Variants in DLG2 observed in about 807,000 individuals in gnomAD.
DLG2 encodes disks large homolog 2.
DLG2 carries 45 observed loss-of-function variants against 132.5 expected under a neutral mutation model. That is an observed-to-expected ratio of 0.34 (90% confidence interval 0.27 to 0.44). The LOEUF (loss-of-function observed/expected upper bound fraction) is 0.44. Ranked by LOEUF, DLG2 falls within the 20% of genes least tolerant of loss-of-function variation. The probability of loss-of-function intolerance (pLI) is 1.00; values close to 1 mark genes in which losing one functional copy is unlikely to be tolerated. For synonymous variants in DLG2, 424 were observed against 419.6 expected, an observed-to-expected ratio of 1.01 and a Z score of -0.13; for missense variants, 1,045 against 1,196.9, an observed-to-expected ratio of 0.87 and a Z score of 1.87.
At chr11:84,395,588 T>C (rs2098808183) in intron 7 of DLG2, among the ~76,000 whole-genome samples, 1 of 152,158 alleles carries the variant, frequency 6.6e-6, no homozygotes, top group Admixed American at 6.5e-5. Context: ...TTTCTAATTT[T>C]TGTATGTTTT....
intron 6 of DLG2, among the ~76,000 whole-genome samples, chr11:84,998,950 TC>T (rs1237702045): frequency 6.6e-6 from 1 of 151,348 alleles, no homozygotes; most frequent in Non-Finnish European, 1.5e-5. Flanking sequence ...TTCATTTTTG[TC>T]CCTTTTAACT....
chr11:83,753,538 G>T (rs1031980186), intron 18 of DLG2, among the ~76,000 whole-genome samples: 1 of 151,166 alleles, frequency 6.6e-6, no homozygotes, highest in African/African-American at 2.4e-5. Flanking sequence ...TTTATTTAGG[G>T]AGTTTCCAGG....
intron 11 of DLG2, among the ~76,000 whole-genome samples, chr11:83,986,780 T>C (rs544314484): frequency 7.1e-4 from 108 of 152,314 alleles, no homozygotes; most frequent in African/African-American, 2.4e-3. Flanking sequence ...TATCTCATTG[T>C]GGTTTTTGTT....
chr11:84,725,200 A>T (rs543021311), intron 6 of DLG2, among the ~76,000 whole-genome samples: 2 of 152,158 alleles, frequency 1.3e-5, no homozygotes, highest in Non-Finnish European at 2.9e-5. Flanking sequence ...CCCAGCTATC[A>T]CTAATAGCTA....
intron 6 of DLG2, among the ~76,000 whole-genome samples, chr11:84,558,334 T>A (rs1175971718): frequency 6.6e-6 from 1 of 152,168 alleles, no homozygotes; most frequent in African/African-American, 2.4e-5. Flanking sequence ...CTGGGTGAAC[T>A]TGACTATTCT....
chr11:83,618,299 T>C (rs1455202558), intron 19 of DLG2, among the ~76,000 whole-genome samples: 1 of 152,198 alleles, frequency 6.6e-6, no homozygotes, highest in Non-Finnish European at 1.5e-5. Flanking sequence ...TCACTAGATT[T>C]ATTTTGCTAA....
intron 6 of DLG2, among the ~76,000 whole-genome samples, chr11:84,716,571 G>T (rs570519516): frequency 5.3e-5 from 8 of 152,020 alleles, no homozygotes; most frequent in African/African-American, 1.9e-4. Context: ...TGAAGGTAAA[G>T]TTGATGCCTA....
In DLG2 at chr11:83,825,819, C is replaced by T. The variant is rs2052582925; in HGVS notation, c.1722+7795G>A. Among the ~76,000 whole-genome samples, 3 of 152,284 alleles carry T rather than the reference C, an allele frequency of 2.0e-5. No homozygotes were observed. The South Asian group carries it at 6.2e-4, about 32-fold the overall frequency. On this transcript the variant is annotated intron_variant, in intron 17 of 27. Coordinates refer to ENST00000376104, the MANE Select transcript of DLG2 (RefSeq NM_001142699.3). ...TCCTGAGTGACCCACAACTCTGGCT[C>T]CCTAGAAGTCCCCACTGCCCTGCTG... is the stretch of plus-strand genomic sequence containing the variant.
At chr11:84,647,492 GT>G (rs1192763154) in intron 6 of DLG2, among the ~76,000 whole-genome samples, 3 of 152,154 alleles carry the variant, frequency 2.0e-5, no homozygotes, top group Non-Finnish European at 4.4e-5. Context: ...CGGTAGAAAT[GT>G]TTTCAAAATT....
chr11:85,454,889 G>A (rs2092369755), intron 3 of DLG2, among the ~76,000 whole-genome samples: 1 of 151,964 alleles, frequency 6.6e-6, no homozygotes. Context: ...ATTGGTCTAT[G>A]TGTCTGTTTT....
chr11:85,468,051 G>A (rs1004048568), intron 3 of DLG2, among the ~76,000 whole-genome samples: 14 of 152,160 alleles, frequency 9.2e-5, no homozygotes, highest in Non-Finnish European at 7.3e-5. Context: ...GGGTGTATGT[G>A]TTGAGGAATT....
chr11:84,226,655 C>A (rs928927443), intron 8 of DLG2, among the ~76,000 whole-genome samples: 2 of 152,130 alleles, frequency 1.3e-5, no homozygotes, highest in Non-Finnish European at 2.9e-5. Context: ...TTTGTTTAAT[C>A]CTTTTAACTA....
At chr11:84,447,636 G>T in intron 7 of DLG2, among the ~76,000 whole-genome samples, 1 of 152,002 alleles carries the variant, frequency 6.6e-6, no homozygotes, top group East Asian at 1.9e-4. Flanking sequence ...CTTATGAGTA[G>T]TTTTTTCTTT....
At chr11:84,686,985 T>A (rs1453447348) in intron 6 of DLG2, 1 of 152,106 alleles carries the variant, frequency 6.6e-6, no homozygotes, top group Non-Finnish European at 1.5e-5. Flanking sequence ...GGAGTGGGCA[T>A]GTTTTCCTGC....
intron 22 of DLG2, among the ~76,000 whole-genome samples, chr11:83,483,517 T>TAAAC: frequency 1.3e-5 from 2 of 152,268 alleles, no homozygotes; most frequent in East Asian, 3.9e-4. Context: ...ACTCAAGGTT[T>TAAAC]AAACAAAAGA....
intron 17 of DLG2, among the ~76,000 whole-genome samples, chr11:83,807,483 C>T (rs893477079): frequency 2.6e-5 from 4 of 152,116 alleles, no homozygotes; most frequent in African/African-American, 9.7e-5. Context: ...GCTGCAAAGC[C>T]ACAATCCATT....
intron 11 of DLG2, among the ~76,000 whole-genome samples, chr11:84,046,423 G>T (rs1232606117): frequency 1.3e-5 from 2 of 151,396 alleles, no homozygotes; most frequent in Non-Finnish European, 3.0e-5. Flanking sequence ...GAACTATGAA[G>T]AATAAAATTT....
intron 6 of DLG2, among the ~76,000 whole-genome samples, chr11:84,685,831 G>A (rs1234349698): frequency 2.0e-5 from 3 of 151,806 alleles, no homozygotes; most frequent in Non-Finnish European, 2.9e-5. Flanking sequence ...TCAGCCTCCC[G>A]AGCAGCTGGG....
intron 6 of DLG2, among the ~76,000 whole-genome samples, chr11:85,067,440 G>A (rs1364162713): frequency 1.3e-5 from 2 of 151,778 alleles, no homozygotes; most frequent in African/African-American, 4.8e-5. Flanking sequence ...TGATGTTAGG[G>A]CGTCAATTTT....
Sources: gnomAD v4.1 joint callset for allele counts (sites outside exome capture counted in the v4.1 genomes callset) on GRCh38, gnomAD v4.1.1 for gene constraint, MANE v1.5 for transcripts, NCBI Gene and HGNC (gene_info 2026-07-23, HGNC 2026-07-21) for gene names.